Variants in FN1 observed in about 807,000 individuals in gnomAD.
FN1 encodes the protein fibronectin 1, also known as fibronectin.
Under a neutral mutation model 297.3 loss-of-function variants are expected in FN1, and 106 were observed. The observed-to-expected ratio is 0.36, with a 90% CI of 0.30 to 0.42. The LOEUF (loss-of-function observed/expected upper bound fraction) is 0.42, where lower values mean the gene tolerates loss of function less well. Among genes scored for constraint, FN1 ranks in the 10% least tolerant of loss-of-function variants. The probability of loss-of-function intolerance (pLI) is 1.00; values close to 1 mark genes in which losing one functional copy is unlikely to be tolerated. For missense variants in FN1, 2,690 were observed against 3,124.9 expected (o/e 0.86, Z 3.32); for synonymous variants, 1,149 against 1,152.6 (o/e 1.00, Z 0.06).
chr2:215,365,472 A>G, intron 43 of FN1, 33 bp downstream of exon 43: 1 of 1,610,122 alleles, frequency 6.2e-7, no homozygotes, highest in Middle Eastern at 1.7e-4. Flanking sequence ...AGAATGCTTA[A>G]TAAGGCACTA....
Position 215,392,956 on chromosome 2 carries a change from G to T in FN1, c.4044C>A (p.Ala1348=). The T allele has an allele frequency of 6.2e-7, 1 of 1,612,768 alleles. No individual in the cohort carries two copies. Among genetic ancestry groups the T allele is most frequent in the Non-Finnish European group, 8.5e-7 (1 of 1,179,992 alleles). ...VITLINGGES[A]PTTLTQQTAV... ...CCGTTTGTTGTGTCAGTGTAGTAGG[G>T]GCACTCTCGCCGCCATTAATGAGAG... Residue 1348 remains alanine (A), a synonymous_variant, in exon 25 of 46, where the codon GCC becomes GCA. Transcript: ENST00000354785.
chr2:215,364,453 G>A (rs2054138754), intron 44 of FN1: 1 of 278,736 alleles, frequency 3.6e-6, no homozygotes, highest in Admixed American at 4.8e-5. Flanking sequence ...GGCTGCCCAG[G>A]ATGGGGAGAA....
In FN1 at chr2:215,393,284, A is replaced by T. The variant is rs757550297; in HGVS notation, c.3797-81T>A. 1.7e-4 allele frequency: 238 copies of T among 1,385,452 alleles called. 1 individual carries two copies. Among genetic ancestry groups the T allele is most frequent in the Non-Finnish European group, 2.2e-4 (223 of 998,304 alleles). The allele number at this position is 1,385,452 out of a possible 1,614,324, so 85.8% of individuals were successfully genotyped here. ...AAGAGGAAAAAATAAAGCAGTGTAT[A>T]TCAGGTTACTAGTAGTAAAATTGGT... On this transcript the variant is annotated intron_variant, in intron 24 of 45. Transcript: ENST00000354785.
chr2:215,363,388 G>C (rs1048526333), intron 44 of FN1: 6 of 152,054 alleles, frequency 3.9e-5, no homozygotes, highest in Admixed American at 2.6e-4. Flanking sequence ...GAGAGAGAGA[G>C]AGAGAGAGAC....
At position 215,420,751 on chromosome 2, in the gene FN1, T is replaced by G. The variant is rs1212549906; in HGVS notation, c.1597A>C (p.Lys533Gln). The G allele has an allele frequency of 1.2e-6, 2 of 1,614,124 alleles. No individual in the cohort carries two copies. Among genetic ancestry groups the G allele is most frequent in the South Asian group, 1.1e-5 (1 of 91,088 alleles). ...ITYNVNDTFHKRHEEGHMLNC... is the reference protein window; with the variant it reads ...ITYNVNDTFHQRHEEGHMLNC... ...AGCATGTGCCCCTCTTCATGACGCT[T>G]GTGGAATGTGTCGTTCACATTGTAA... The change falls in exon 11 of 46, where the codon AAG becomes CAG. Residue 533 changes from lysine to glutamine, a missense_variant. Lys to Gln is a moderately conservative substitution (Grantham distance 53). This residue lies in a region of FN1 where 876 missense variants were observed against 1,058.1 expected (regional missense o/e 0.83). Coordinates refer to ENST00000354785, the MANE Select transcript of FN1 (RefSeq NM_212482.4).
chr2:215,386,502 A>C (rs1260223113), intron 28 of FN1, among the ~76,000 whole-genome samples, 187 bp downstream of exon 28: 1 of 149,784 alleles, frequency 6.7e-6, no homozygotes, highest in African/African-American at 2.5e-5. Context: ...CTTCTTTACC[A>C]TATTCTAAGG....
At position 215,379,156 on chromosome 2, in the gene FN1, A is replaced by C; in HGVS notation, c.5596T>G (p.Ser1866Ala). 3 of 1,614,122 alleles carry C rather than the reference A, an allele frequency of 1.9e-6. No homozygotes were observed. The highest frequency in any genetic ancestry group is 2.5e-6 in the Non-Finnish European group (3 of 1,180,008). Residue 1866 changes from serine to alanine, a missense_variant, in exon 34 of 46, where the codon TCA (serine) becomes GCA (alanine). Transcript: ENST00000354785. ...MKEINLAPDS[S>A]SVVVSGLMVA... ...ATAAGTCCTGATACAACCACGGATGAGCTGTCAGGAGCAAGGTTGATTTCT... is the reference window on the plus strand; with the variant it reads ...ATAAGTCCTGATACAACCACGGATGCGCTGTCAGGAGCAAGGTTGATTTCT...
intron 26 of FN1, among the ~76,000 whole-genome samples, chr2:215,389,700 G>A (rs2059477250): frequency 1.3e-5 from 2 of 152,194 alleles, no homozygotes; most frequent in Admixed American, 6.5e-5. Flanking sequence ...TGAGGCAGGA[G>A]AATCACTTGA....
chr2:215,415,651 TTGTCAACAGAAA>T (rs1575700283), intron 12 of FN1, among the ~76,000 whole-genome samples: 1 of 152,158 alleles, frequency 6.6e-6, no homozygotes, highest in Non-Finnish European at 1.5e-5. Context: ...CCAAAATCAG[TTGTCAACAGAAA>T]TGACTTTATG....
intron 26 of FN1, 74 bp downstream of exon 26, chr2:215,391,558 C>A: frequency 1.5e-6 from 2 of 1,344,554 alleles, no homozygotes; most frequent in Non-Finnish European, 2.1e-6. Context: ...TTAGCTCCTC[C>A]TACTTGAGAA....
At chr2:215,367,769 C>T in intron 42 of FN1, 94 bp downstream of exon 42, 1 of 1,239,084 alleles carries the variant, frequency 8.1e-7, no homozygotes, top group Admixed American at 1.8e-5. Context: ...TTGGAAGAAC[C>T]TGTGTCTTCC....
At position 215,383,883 on chromosome 2, in the gene FN1, T is replaced by C. The variant is rs13018173; in HGVS notation, c.4894+137A>G. 0.28 allele frequency: 255,552 copies of C among 925,288 alleles called. 42,484 individuals are homozygous for C. The highest frequency in any genetic ancestry group is 0.81 in the East Asian group (31,043 of 38,500). 57.3% of individuals were successfully genotyped at this position (925,288 alleles called of 1,614,324 possible). On this transcript the variant is annotated intron_variant, in intron 30 of 45. Transcript: ENST00000354785. ...TTATCTGGCTCAAAACTCTGTTCGCTGCAGGTGCTAGCTGCAGGTTGTTGC... is the reference window on the plus strand; with the variant it reads ...TTATCTGGCTCAAAACTCTGTTCGCCGCAGGTGCTAGCTGCAGGTTGTTGC...
intron 13 of FN1, chr2:215,414,619 C>A (rs2063170881): frequency 1.7e-6 from 2 of 1,182,510 alleles, no homozygotes; most frequent in African/African-American, 1.6e-5. Flanking sequence ...CCAGCCCCCC[C>A]ACCGCAAAAA....
At chr2:215,423,212 A>C in intron 9 of FN1, 138 bp downstream of exon 9, 1 of 779,580 alleles carries the variant, frequency 1.3e-6, no homozygotes, top group Non-Finnish European at 2.1e-6. Flanking sequence ...ACACACACAC[A>C]AACACACTTC....
In FN1 at chr2:215,368,031, T is replaced by C. The variant is rs1424517396; in HGVS notation, c.6854-4A>G. ...GGTTGGTTCAAGCCTTCGTTGACTA[T>C]GAAGAAAAGGAAGAAAAAGCAAAAA... On this transcript the variant is annotated splice_polypyrimidine_tract_variant and splice_region_variant and intron_variant, in intron 41 of 45. Transcript: ENST00000354785. 22 of 1,613,896 alleles carry C rather than the reference T, an allele frequency of 1.4e-5. No homozygotes were observed. Among genetic ancestry groups the C allele is most frequent in the African/African-American group, 4.0e-5 (3 of 74,894 alleles).
At chr2:215,362,493 G>A (rs2053663056) in intron 44 of FN1, 1 of 242,488 alleles carries the variant, frequency 4.1e-6, no homozygotes, top group African/African-American at 2.3e-5. Flanking sequence ...AGGAAACAGA[G>A]ACCCAGAGGA....
intron 5 of FN1, among the ~76,000 whole-genome samples, chr2:215,429,513 A>ACACC (rs2066089587): frequency 6.6e-6 from 1 of 152,246 alleles, no homozygotes. Flanking sequence ...AAACAAATAC[A>ACACC]CACCCACATC....
At chr2:215,401,728 G>C (rs951955318) in intron 20 of FN1, among the ~76,000 whole-genome samples, 9 of 152,112 alleles carry the variant, frequency 5.9e-5, no homozygotes, top group African/African-American at 2.2e-4. Flanking sequence ...TGCCATGTGG[G>C]AATTTAGAAT....
rs2057629840 is a variant in FN1, at chr2:215,378,045, T to C, written c.5710+130A>G. The C allele has an allele frequency of 7.0e-6, 5 of 709,710 alleles. No homozygotes were observed. The East Asian group carries it at 1.3e-4, about 19-fold the overall frequency. 44.0% of individuals were successfully genotyped at this position (709,710 alleles called of 1,614,324 possible). ...TAGGTCTCAAACTCCTGGCCTCAAG[T>C]GACGCTCCCGCCTCAGCTTCCCAAA... is the stretch of plus-strand genomic sequence containing the variant. On this transcript the variant is annotated intron_variant, in intron 35 of 45. Coordinates refer to ENST00000354785, the MANE Select transcript of FN1 (RefSeq NM_212482.4).
Sources: allele counts gnomAD v4.1 joint callset (sites outside exome capture counted in the v4.1 genomes callset), GRCh38; gene constraint gnomAD v4.1.1; regional missense constraint gnomAD v4.1.1; transcripts MANE v1.5; gene names NCBI Gene and HGNC (gene_info 2026-07-23, HGNC 2026-07-21).